PKHD1: variants seen among roughly 807,000 people sequenced by gnomAD.
PKHD1 encodes fibrocystin.
In PKHD1, 291 loss-of-function variants were observed where a neutral mutation model predicts 412.0. The ratio of observed to expected loss-of-function variants is 0.71; its 90% CI spans 0.64 to 0.78. The LOEUF is 0.78. PKHD1 is among the 30% of genes least tolerant of loss of function. PKHD1 has a pLI of 0.00. For missense variants in PKHD1, 4,825 were observed against 4,950.7 expected, an observed-to-expected ratio of 0.97 and a Z score of 0.76; for synonymous variants, 1,777 against 1,821.5, an observed-to-expected ratio of 0.98 and a Z score of 0.62.
intron 43 of PKHD1, among the ~76,000 whole-genome samples, chr6:51,897,967 T>A (rs941470645): frequency 2.6e-5 from 4 of 151,974 alleles, no homozygotes; most frequent in African/African-American, 9.7e-5. Flanking sequence ...GAGTTAACTA[T>A]CCTAAATATA....
intron 36 of PKHD1, among the ~76,000 whole-genome samples, chr6:51,951,535 C>A (rs1252581945): frequency 6.6e-6 from 1 of 152,044 alleles, no homozygotes; most frequent in Non-Finnish European, 1.5e-5. Context: ...TATAATTATT[C>A]TCTGAATATT....
At chr6:52,031,095 CTA>C (rs1362312193) in intron 29 of PKHD1, among the ~76,000 whole-genome samples, 1 of 152,220 alleles carries the variant, frequency 6.6e-6, no homozygotes, top group Non-Finnish European at 1.5e-5. Context: ...GGTGCTTACT[CTA>C]TGTCAATTCC....
intron 50 of PKHD1, among the ~76,000 whole-genome samples, chr6:51,841,753 G>A (rs574893138): frequency 2.2e-4 from 33 of 152,290 alleles, no homozygotes; most frequent in East Asian, 1.3e-3. Flanking sequence ...GCCAGCTGAC[G>A]CCACTCTCCT....
chr6:51,659,472 G>T lies in PKHD1; in HGVS notation c.10654C>A (p.Pro3552Thr), dbSNP rs1282914025. 1 of 1,613,614 alleles carries T rather than the reference G, an allele frequency of 6.2e-7. No homozygotes were observed. Among genetic ancestry groups the T allele is most frequent in the East Asian group, 2.2e-5 (1 of 44,832 alleles). The change falls in exon 61 of 67, where the codon CCC becomes ACC. Residue 3552 changes from proline to threonine, a missense_variant. By Grantham distance (38) the Pro-to-Thr change is conservative. Coordinates refer to ENST00000371117, the MANE Select transcript of PKHD1 (RefSeq NM_138694.4). The part of the protein sequence containing the change: ...LLYVVLQGEE[P>T]IEIRSGVSIH... ...GAAACACCTGAGCGTATTTCAATGG[G>T]CTCCTCTCCTTGTAGGACAACATAC... is the stretch of plus-strand genomic sequence containing the variant.
intron 63 of PKHD1, among the ~76,000 whole-genome samples, chr6:51,644,510 A>C: frequency 6.6e-6 from 1 of 152,204 alleles, no homozygotes; most frequent in East Asian, 1.9e-4. Flanking sequence ...GAGTAGAGCA[A>C]GAAATAACTG....
intron 46 of PKHD1, among the ~76,000 whole-genome samples, chr6:51,882,434 A>T (rs148426137): frequency 1.1e-3 from 161 of 152,320 alleles, no homozygotes; most frequent in African/African-American, 3.8e-3. Context: ...TAAGAATCAA[A>T]ACTTATCATT....
intron 36 of PKHD1, among the ~76,000 whole-genome samples, chr6:51,941,892 C>T (rs958774467): frequency 6.6e-6 from 1 of 151,486 alleles, no homozygotes; most frequent in South Asian, 2.1e-4. Flanking sequence ...ACAGACAGCC[C>T]CCATTACTTC....
chr6:51,678,131 C>T (rs558603265), intron 60 of PKHD1, among the ~76,000 whole-genome samples: 1 of 152,200 alleles, frequency 6.6e-6, no homozygotes, highest in African/African-American at 2.4e-5. Context: ...GGAAGTACAG[C>T]TTAGCGAGTG....
intron 60 of PKHD1, among the ~76,000 whole-genome samples, chr6:51,669,984 G>C (rs573128664): frequency 3.0e-4 from 45 of 151,756 alleles, no homozygotes; most frequent in Non-Finnish European, 5.2e-4. Flanking sequence ...GTCAATTTTG[G>C]AACAGGTGTG....
intron 35 of PKHD1, among the ~76,000 whole-genome samples, chr6:51,993,428 G>A (rs1476846878): frequency 6.6e-6 from 1 of 152,222 alleles, no homozygotes; most frequent in South Asian, 2.1e-4. Flanking sequence ...TTATTTCCAT[G>A]GAGCACCATG....
At chr6:51,655,987 G>T (rs1771772309) in intron 61 of PKHD1, among the ~76,000 whole-genome samples, 1 of 152,032 alleles carries the variant, frequency 6.6e-6, no homozygotes, top group Non-Finnish European at 1.5e-5. Flanking sequence ...CCCACTACTG[G>T]GGATATACCC....
chr6:51,975,358 C>T (rs1794233411), intron 35 of PKHD1, among the ~76,000 whole-genome samples: 1 of 151,470 alleles, frequency 6.6e-6, no homozygotes, highest in Non-Finnish European at 1.5e-5. Flanking sequence ...AAAAAGCAAC[C>T]CAGGGAATTG....
chr6:51,782,109 T>C (rs1020481277), intron 53 of PKHD1, among the ~76,000 whole-genome samples: 5 of 151,908 alleles, frequency 3.3e-5, no homozygotes, highest in South Asian at 2.1e-4. Flanking sequence ...ATTACTGTTA[T>C]ATGGATTCAT....
At chr6:51,857,357 T>A (rs1172181735) in intron 48 of PKHD1, among the ~76,000 whole-genome samples, 1 of 152,214 alleles carries the variant, frequency 6.6e-6, no homozygotes, top group African/African-American at 2.4e-5. Flanking sequence ...GACATTGGGT[T>A]TTCACAGTGA....
In PKHD1 at chr6:52,054,000, G is replaced by A. The variant is rs760464945; in HGVS notation, c.1964+38C>T. 1.9e-6 allele frequency: 3 copies of A among 1,612,058 alleles called. No homozygotes were observed. In the South Asian group the frequency reaches 3.3e-5, roughly 18 times the overall value. Reference sequence around the variant, plus strand: ...CCCAAAACAGTGAATCCTCCCAGCTGACTGAATTCCCACCACGCCTCCCCA... The same window carrying A: ...CCCAAAACAGTGAATCCTCCCAGCTAACTGAATTCCCACCACGCCTCCCCA... On this transcript the variant is annotated intron_variant, in intron 20 of 66. Transcript: ENST00000371117.
chr6:51,899,051 G>A (rs1195792279), intron 43 of PKHD1, among the ~76,000 whole-genome samples: 3 of 152,198 alleles, frequency 2.0e-5, no homozygotes, highest in African/African-American at 7.2e-5. Context: ...AAGAGTCCAG[G>A]ACCAGGCAGA....
intron 37 of PKHD1, among the ~76,000 whole-genome samples, chr6:51,916,740 C>T (rs1783865612): frequency 6.6e-6 from 1 of 152,046 alleles, no homozygotes; most frequent in African/African-American, 2.4e-5. Flanking sequence ...TGGGTAGCTC[C>T]CTTCCTTTCT....
At chr6:52,018,400 A>G (rs2128131687) in intron 33 of PKHD1, among the ~76,000 whole-genome samples, 2 of 152,338 alleles carry the variant, frequency 1.3e-5, no homozygotes, top group South Asian at 4.1e-4. Flanking sequence ...ATTACTCCAT[A>G]TAATTACAAG....
chr6:51,968,829 T>C (rs1259876751), intron 35 of PKHD1, among the ~76,000 whole-genome samples: 1 of 152,200 alleles, frequency 6.6e-6, no homozygotes, highest in African/African-American at 2.4e-5. Flanking sequence ...AGGCTGAGTC[T>C]AGTGACCTTC....
Sources: allele counts gnomAD v4.1 joint callset (sites outside exome capture counted in the v4.1 genomes callset), GRCh38; gene constraint gnomAD v4.1.1; transcripts MANE v1.5; gene names NCBI Gene and HGNC (gene_info 2026-07-23, HGNC 2026-07-21).